Variants in INHBC observed in about 807,000 individuals in gnomAD.
The protein encoded by INHBC is inhibin beta C chain.
Under a neutral mutation model 12.4 loss-of-function variants are expected in INHBC, and 10 were observed. That is an observed-to-expected ratio of 0.81 (90% CI 0.50 to 1.37). The LOEUF (loss-of-function observed/expected upper bound fraction) is 1.37, where lower values mean the gene tolerates loss of function less well. Among genes scored for constraint, INHBC ranks in the 40% most tolerant of loss-of-function variants. The pLI is 0.00. For missense variants in INHBC, 382 were observed against 439.4 expected (o/e 0.87, Z 1.17); for synonymous variants, 147 against 171.6 (o/e 0.86, Z 1.12).
At chr12:57,448,567 T>TAAA (rs10577805) in intron 1 of INHBC, among the ~76,000 whole-genome samples, 12 of 121,592 alleles carry the variant, frequency 9.9e-5, no homozygotes, top group African/African-American at 3.8e-4. Flanking sequence ...AGACTCCGTC[T>TAAA]AAAAAAAAAA....
Position 57,450,723 on chromosome 12 carries a change from C to T in INHBC, c.*701C>T, listed in dbSNP as rs552162127. ...GTCAGGGCATTTCTTATCCCTGTTCCCTCTCTGTCTAGGTGTCATGGTTCT... is the reference window on the plus strand; with the variant it reads ...GTCAGGGCATTTCTTATCCCTGTTCTCTCTCTGTCTAGGTGTCATGGTTCT... On this transcript the variant is annotated 3_prime_UTR_variant, in exon 2 of 2. Coordinates refer to ENST00000309668, the MANE Select transcript of INHBC (RefSeq NM_005538.4). The T allele has an allele frequency of 6.6e-6, 1 of 152,322 alleles. No individual in the cohort carries two copies. Among genetic ancestry groups the T allele is most frequent in the East Asian group, 1.9e-4 (1 of 5,176 alleles). 9.4% of individuals were successfully genotyped at this position (152,322 alleles called of 1,614,324 possible). A position where few individuals can be genotyped will look rare whatever the true frequency, so the allele number is the denominator to read the frequency against.
In INHBC at chr12:57,449,522, C is replaced by T. The variant is rs1190890191; in HGVS notation, c.559C>T (p.Gln187Ter). The T allele has an allele frequency of 6.2e-7, 1 of 1,614,200 alleles. No homozygotes were observed. The highest frequency in any genetic ancestry group is 2.2e-5 in the East Asian group (1 of 44,892). The change falls in exon 2 of 2, where the codon CAA (glutamine) becomes TAA (stop). Residue 187 changes from glutamine (Q) to a stop codon, truncating the protein, a stop_gained. Coordinates refer to ENST00000309668, the MANE Select transcript of INHBC (RefSeq NM_005538.4). LOFTEE classifies it high-confidence loss of function. Reference sequence around the variant, plus strand: ...TCAACTCCCCCTAGGGCCTGAAGCTCAAGCTGCCTGCAGCCAGGGGCACCT... The same window carrying T: ...TCAACTCCCCCTAGGGCCTGAAGCTTAAGCTGCCTGCAGCCAGGGGCACCT... ...WHQLPLGPEA[Q>*]AACSQGHLTL...
intron 1 of INHBC, among the ~76,000 whole-genome samples, chr12:57,435,758 G>T (rs967585243): frequency 2.6e-5 from 4 of 152,152 alleles, no homozygotes; most frequent in Non-Finnish European, 4.4e-5. Context: ...GGGCACAGTG[G>T]CTCCTGCCTG....
chr12:57,441,366 A>G (rs912407332), intron 1 of INHBC, among the ~76,000 whole-genome samples: 1 of 149,228 alleles, frequency 6.7e-6, no homozygotes, highest in Non-Finnish European at 1.5e-5. Context: ...AAAAAAAAAA[A>G]AAAAAAAAAA....
rs769985730 is a variant in INHBC, at chr12:57,435,072, A to G, written c.186A>G (p.Thr62=). The G allele has an allele frequency of 6.2e-7, 1 of 1,614,124 alleles. No individual in the cohort carries two copies. Among genetic ancestry groups the G allele is most frequent in the Non-Finnish European group, 8.5e-7 (1 of 1,180,008 alleles). Residue 62 remains threonine (T), a synonymous_variant, in exon 1 of 2, where the codon ACA becomes ACG. Transcript: ENST00000309668. ...LDKLHLTQRP[T]LNRPVSRAAL... ...AGCTGCACCTCACCCAGCGCCCAACACTGAACCGCCCTGTGTCCAGAGCTG... is the reference window on the plus strand; with the variant it reads ...AGCTGCACCTCACCCAGCGCCCAACGCTGAACCGCCCTGTGTCCAGAGCTG...
chr12:57,443,526 C>A (rs1363393961), intron 1 of INHBC, among the ~76,000 whole-genome samples: 2 of 151,964 alleles, frequency 1.3e-5, no homozygotes, highest in Admixed American at 1.3e-4. Flanking sequence ...TCAGGTGATC[C>A]ACCCACCTTG....
At chr12:57,437,329 G>C (rs923628611) in intron 1 of INHBC, among the ~76,000 whole-genome samples, 2 of 152,072 alleles carry the variant, frequency 1.3e-5, no homozygotes, top group Non-Finnish European at 2.9e-5. Context: ...GGAATAGTTG[G>C]AGTATATAGT....
intron 1 of INHBC, among the ~76,000 whole-genome samples, chr12:57,438,813 C>T (rs1157288298): frequency 1.3e-5 from 2 of 152,220 alleles, no homozygotes; most frequent in Non-Finnish European, 2.9e-5. Context: ...CAGCTACCCA[C>T]ATCAAAATTT....
At chr12:57,436,243 CA>C (rs1870334372) in intron 1 of INHBC, among the ~76,000 whole-genome samples, 1 of 149,868 alleles carries the variant, frequency 6.7e-6, no homozygotes, top group Non-Finnish European at 1.5e-5. Flanking sequence ...CAGGTCACTG[CA>C]ACCTCTGCCT....
At position 57,435,447 on chromosome 12, in the gene INHBC, G is replaced by T. The variant is rs868632587; in HGVS notation, c.313+248G>T. ...TTCACTTCTTTTGAGATTGGCTGCC[G>T]TCATCTCCTCCGGCTCCTCTCTCTG... is the stretch of plus-strand genomic sequence containing the variant. On this transcript the variant is annotated intron_variant, in intron 1 of 1. Transcript: ENST00000309668. 2.0e-5 allele frequency among the ~76,000 whole-genome samples: 3 copies of T among 152,092 alleles called. No individual in the cohort carries two copies. In the East Asian group the frequency reaches 5.8e-4, roughly 29 times the overall value.
rs34935222 is a variant in INHBC, at chr12:57,443,113, C to CTTTTTT, written c.314-6146_314-6141dup. 4.1e-4 allele frequency among the ~76,000 whole-genome samples: 30 copies of CTTTTTT among 72,396 alleles called. 1 individual carries two copies. Among genetic ancestry groups the CTTTTTT allele is most frequent in the East Asian group, 1.4e-3 (3 of 2,114 alleles). The allele number at this position is 72,396 out of a possible 152,430, so 47.5% of individuals were successfully genotyped here. ...AGTTCCATTCCCATAATAAAGCACT[C>CTTTTTT]TTTTTTTTTTTTTTTTTTTTTTTGA... is the stretch of plus-strand genomic sequence containing the variant. On this transcript the variant is annotated intron_variant, in intron 1 of 1. Coordinates refer to ENST00000309668, the MANE Select transcript of INHBC (RefSeq NM_005538.4).
Position 57,451,064 on chromosome 12 carries a change from T to G in INHBC, c.*1042T>G, listed in dbSNP as rs193093113. Among the ~76,000 whole-genome samples the G allele has an allele frequency of 6.6e-6, 1 of 152,356 alleles. No homozygotes were observed. Among genetic ancestry groups the G allele is most frequent in the South Asian group, 2.1e-4 (1 of 4,832 alleles). ...TGCTTATGCTGTAGTCTGCCTACTC[T>G]GCTGTCTCTTCACATGGTCTCCTCA... On this transcript the variant is annotated 3_prime_UTR_variant, in exon 2 of 2. Transcript: ENST00000309668.
Position 57,435,208 on chromosome 12 carries a change from C to G in INHBC, c.313+9C>G. 6.2e-7 allele frequency: 1 copy of G among 1,601,140 alleles called. No individual in the cohort carries two copies. Among genetic ancestry groups the G allele is most frequent in the Non-Finnish European group, 8.5e-7 (1 of 1,170,936 alleles). Reference sequence around the variant, plus strand: ...CAGCTTTGCTGAGACAGGTGGGTTCCTGATCTGTAGCTCTTCCCCAGAACT... The same window carrying G: ...CAGCTTTGCTGAGACAGGTGGGTTCGTGATCTGTAGCTCTTCCCCAGAACT... On this transcript the variant is annotated intron_variant, in intron 1 of 1. Coordinates refer to ENST00000309668, the MANE Select transcript of INHBC (RefSeq NM_005538.4).
In INHBC at chr12:57,443,142, G is replaced by A. The variant is rs553337510; in HGVS notation, c.314-6135G>A. ...TTTTTTTTTTTTTTTTTTTTGAGACGGAGTCTTGCTCTGTTGCCATGCTGG... is the reference window on the plus strand; with the variant it reads ...TTTTTTTTTTTTTTTTTTTTGAGACAGAGTCTTGCTCTGTTGCCATGCTGG... On this transcript the variant is annotated intron_variant, in intron 1 of 1. Transcript: ENST00000309668. Among the ~76,000 whole-genome samples the A allele has an allele frequency of 1.4e-4, 14 of 97,464 alleles. No individual in the cohort carries two copies. The East Asian group carries it at 4.6e-3, about 32-fold the overall frequency. 63.9% of individuals were successfully genotyped at this position (97,464 alleles called of 152,430 possible).
intron 1 of INHBC, among the ~76,000 whole-genome samples, chr12:57,448,014 A>T (rs1172187052): frequency 1.3e-5 from 2 of 148,572 alleles, no homozygotes; most frequent in Admixed American, 6.8e-5. Context: ...ATGTATTTAT[A>T]AGATGGGGTC....
In INHBC at chr12:57,449,364, T is replaced by C; in HGVS notation, c.401T>C (p.Leu134Pro). 1 of 1,614,212 alleles carries C rather than the reference T, an allele frequency of 6.2e-7. No homozygotes were observed. The highest frequency in any genetic ancestry group is 8.5e-7 in the Non-Finnish European group (1 of 1,180,028). ...AGDREVQQAS[L>P]MFFVQLPSNT... ...GACAGGGAGGTCCAGCAGGCCAGTC[T>C]CATGTTCTTTGTGCAGCTCCCTTCC... The change falls in exon 2 of 2, where the codon CTC becomes CCC. Residue 134 changes from leucine (L) to proline (P), a missense_variant. Transcript: ENST00000309668.
Position 57,449,540 on chromosome 12 carries a change from G to A in INHBC, c.577G>A (p.Gly193Arg), listed in dbSNP as rs778762566. 2.5e-6 allele frequency: 4 copies of A among 1,614,060 alleles called. No homozygotes were observed. In the Admixed American group the frequency reaches 5.0e-5, roughly 20 times the overall value. ...TGAAGCTCAAGCTGCCTGCAGCCAG[G>A]GGCACCTGACCCTGGAGCTGGTACT... ...GPEAQAACSQ[G>R]HLTLELVLEG... The change falls in exon 2 of 2, where the codon GGG becomes AGG. Residue 193 changes from glycine (G) to arginine (R), a missense_variant. Coordinates refer to ENST00000309668, the MANE Select transcript of INHBC (RefSeq NM_005538.4).
intron 1 of INHBC, among the ~76,000 whole-genome samples, chr12:57,440,833 C>T (rs1013710778): frequency 2.6e-5 from 4 of 152,180 alleles, no homozygotes; most frequent in African/African-American, 7.2e-5. Flanking sequence ...CTTCCAATAG[C>T]AATTTCCTCA....
At position 57,449,940 on chromosome 12, in the gene INHBC, C is replaced by T; in HGVS notation, c.977C>T (p.Ser326Phe). The change falls in exon 2 of 2, where the codon TCT becomes TTT. Residue 326 changes from serine to phenylalanine, a missense_variant. Coordinates refer to ENST00000309668, the MANE Select transcript of INHBC (RefSeq NM_005538.4). ...CCVPTARRPL[S>F]LLYYDRDSNI... Reference sequence around the variant, plus strand: ...GTACCCACGGCCCGGCGCCCCCTGTCTCTGCTCTATTATGACAGGGACAGC... The same window carrying T: ...GTACCCACGGCCCGGCGCCCCCTGTTTCTGCTCTATTATGACAGGGACAGC... The T allele has an allele frequency of 6.3e-7, 1 of 1,581,566 alleles. No homozygotes were observed. Among genetic ancestry groups the T allele is most frequent in the East Asian group, 2.2e-5 (1 of 44,602 alleles).
Sources: gnomAD v4.1 joint callset for allele counts (sites outside exome capture counted in the v4.1 genomes callset) on GRCh38, gnomAD v4.1.1 for gene constraint, MANE v1.5 for transcripts, NCBI Gene and HGNC (gene_info 2026-07-23, HGNC 2026-07-21) for gene names.